Variants in FKBP1A observed in about 807,000 individuals in gnomAD.
The protein encoded by FKBP1A is FKBP prolyl isomerase 1A, also known as peptidyl-prolyl cis-trans isomerase FKBP1A.
In FKBP1A, 5 loss-of-function variants were observed where a neutral mutation model predicts 14.2. The ratio of observed to expected loss-of-function variants is 0.35; its 90% CI spans 0.18 to 0.74. The LOEUF (loss-of-function observed/expected upper bound fraction) is 0.74, where lower values mean the gene tolerates loss of function less well. FKBP1A is among the 30% of genes least tolerant of loss of function. The probability of loss-of-function intolerance (pLI) is 0.56; values close to 1 mark genes in which losing one functional copy is unlikely to be tolerated. For synonymous variants in FKBP1A, 42 were observed against 49.1 expected (o/e 0.86, Z 0.60); for missense variants, 53 against 138.8 (o/e 0.38, Z 3.10).
At chr20:1,392,531 C>CGAA (rs1240494532) in intron 2 of FKBP1A, among the ~76,000 whole-genome samples, 27 of 152,306 alleles carry the variant, frequency 1.8e-4, no homozygotes, top group Non-Finnish European at 2.6e-4. Context: ...CCTCGCCAAG[C>CGAA]CTCAGTTTCC....
chr20:1,372,353 A>C (rs1437486316), intron 3 of FKBP1A, 113 bp from the exon 4 acceptor site: 1 of 1,181,324 alleles, frequency 8.5e-7, no homozygotes, highest in Non-Finnish European at 1.2e-6. Context: ...TTGACTTTCC[A>C]GTGACTTTGC....
At chr20:1,388,906 C>G (rs2089699683) in intron 2 of FKBP1A, among the ~76,000 whole-genome samples, 1 of 152,194 alleles carries the variant, frequency 6.6e-6, no homozygotes, top group Non-Finnish European at 1.5e-5. Context: ...CTCTAACGCA[C>G]CGGTCTTCTT....
rs79119937 is a variant in FKBP1A, at chr20:1,369,382, A to G, written c.*727T>C. ...AGTCCATTAGAAAAACCACAGGATG[A>G]AAAAAAAAAAAGGCCACAAAGAAGG... On this transcript the variant is annotated 3_prime_UTR_variant, in exon 5 of 5. Coordinates refer to ENST00000400137, the MANE Select transcript of FKBP1A (RefSeq NM_000801.5). 8.9e-6 allele frequency: 1 copy of G among 112,680 alleles called. No individual in the cohort carries two copies. 7.0% of individuals were successfully genotyped at this position (112,680 alleles called of 1,614,324 possible).
intron 2 of FKBP1A, among the ~76,000 whole-genome samples, chr20:1,392,174 CCAG>C (rs2089745789): frequency 6.6e-6 from 1 of 152,228 alleles, no homozygotes; most frequent in Non-Finnish European, 1.5e-5. Flanking sequence ...TCAGCCTGAG[CCAG>C]CGCTGTCACT....
chr20:1,374,995 C>A (rs1398101292), intron 3 of FKBP1A, among the ~76,000 whole-genome samples: 1 of 152,176 alleles, frequency 6.6e-6, no homozygotes, highest in Non-Finnish European at 1.5e-5. Context: ...TGCCACCACG[C>A]CCGGCTAATT....
At chr20:1,391,540 C>T (rs2089736679) in intron 2 of FKBP1A, 1 of 397,042 alleles carries the variant, frequency 2.5e-6, no homozygotes, top group Non-Finnish European at 4.4e-6. Flanking sequence ...CTCCTGCCCC[C>T]ATTTCTACCC....
intron 4 of FKBP1A, chr20:1,371,121 C>T: frequency 2.0e-6 from 2 of 985,428 alleles, no homozygotes; most frequent in South Asian, 4.7e-5. Context: ...TGTCCTCACC[C>T]AGGCCTTGGC....
At chr20:1,389,429 G>C (rs1231640531) in intron 2 of FKBP1A, among the ~76,000 whole-genome samples, 1 of 152,166 alleles carries the variant, frequency 6.6e-6, no homozygotes, top group Non-Finnish European at 1.5e-5. Context: ...GAGATACCTA[G>C]CAAGGGAGTG....
intron 2 of FKBP1A, among the ~76,000 whole-genome samples, chr20:1,382,657 TA>T (rs996278889): frequency 5.9e-5 from 9 of 152,192 alleles, no homozygotes; most frequent in African/African-American, 2.2e-4. Context: ...CCTTCTTCCC[TA>T]TATGGTAACA....
chr20:1,392,612 AGCCCGCAGCCGAC>A, intron 2 of FKBP1A, among the ~76,000 whole-genome samples: 1 of 152,206 alleles, frequency 6.6e-6, no homozygotes, highest in East Asian at 1.9e-4. Flanking sequence ...GATAACACCT[AGCCCGCAGCCGAC>A]GCTCACAGCC....
intron 4 of FKBP1A, 91 bp from the exon 5 acceptor site, chr20:1,370,163 T>C (rs1600321046): frequency 6.6e-7 from 1 of 1,507,684 alleles, no homozygotes; most frequent in African/African-American, 1.4e-5. Context: ...CCACGCCAAA[T>C]CCCTTCCCCA....
At chr20:1,389,998 C>A (rs2089714205) in intron 2 of FKBP1A, among the ~76,000 whole-genome samples, 2 of 152,192 alleles carry the variant, frequency 1.3e-5, no homozygotes, top group South Asian at 2.1e-4. Flanking sequence ...TCCTTTGAGG[C>A]CTTGCTCATG....
At chr20:1,388,431 C>T (rs1353510191) in intron 2 of FKBP1A, among the ~76,000 whole-genome samples, 4 of 152,230 alleles carry the variant, frequency 2.6e-5, no homozygotes, top group African/African-American at 9.6e-5. Flanking sequence ...AAGAGCAACA[C>T]TTTGGAGACA....
intron 2 of FKBP1A, among the ~76,000 whole-genome samples, chr20:1,390,927 C>A (rs1022169680): frequency 2.8e-4 from 43 of 152,212 alleles, no homozygotes; most frequent in Non-Finnish European, 1.0e-4. Context: ...TGGGTGCGTG[C>A]CACCCGCGAG....
intron 2 of FKBP1A, among the ~76,000 whole-genome samples, chr20:1,382,004 A>G (rs1417963460): frequency 2.6e-5 from 4 of 152,266 alleles, no homozygotes; most frequent in Non-Finnish European, 4.4e-5. Flanking sequence ...TTGGATTTCA[A>G]TCACGCCTCA....
At chr20:1,372,995 G>A (rs2089489122) in intron 3 of FKBP1A, 1 of 152,206 alleles carries the variant, frequency 6.6e-6, no homozygotes, top group Non-Finnish European at 1.5e-5. Flanking sequence ...ACAGTGAGCA[G>A]GTTCTCTGCA....
intron 2 of FKBP1A, among the ~76,000 whole-genome samples, chr20:1,384,076 A>G (rs1324357750): frequency 3.3e-5 from 5 of 152,176 alleles, no homozygotes; most frequent in Admixed American, 3.3e-4. Flanking sequence ...GTACCCCAGC[A>G]TAGTGAAGAG....
intron 2 of FKBP1A, among the ~76,000 whole-genome samples, chr20:1,382,443 A>T (rs1320421179): frequency 6.6e-6 from 1 of 152,152 alleles, no homozygotes; most frequent in Admixed American, 6.5e-5. Flanking sequence ...TGCCTAACAA[A>T]CTGCCTGGAA....
chr20:1,373,402 C>CT (rs1336206103), intron 3 of FKBP1A, among the ~76,000 whole-genome samples: 17 of 152,168 alleles, frequency 1.1e-4, no homozygotes, highest in Admixed American at 1.3e-4. Flanking sequence ...CAAAATGGTC[C>CT]TTGTGGCAGG....
Sources: allele counts gnomAD v4.1 joint callset (sites outside exome capture counted in the v4.1 genomes callset), GRCh38; gene constraint gnomAD v4.1.1; transcripts MANE v1.5; gene names NCBI Gene and HGNC (gene_info 2026-07-23, HGNC 2026-07-21).